KIF17: variants seen among roughly 807,000 people sequenced by gnomAD.
KIF17 encodes kinesin family member 17, also known as kinesin-like protein KIF17.
Under a neutral mutation model 96.8 loss-of-function variants are expected in KIF17, and 80 were observed. The ratio of observed to expected loss-of-function variants is 0.83; its 90% CI spans 0.69 to 1.00. The LOEUF (loss-of-function observed/expected upper bound fraction) is 1.00. Ranked by LOEUF, KIF17 falls within the 50% of genes least tolerant of loss-of-function variation. KIF17 has a pLI of 0.00. For synonymous variants in KIF17, 567 were observed against 587.5 expected, an observed-to-expected ratio of 0.97 and a Z score of 0.51; for missense variants, 1,280 against 1,372.9, an observed-to-expected ratio of 0.93 and a Z score of 1.07.
At chr1:20,681,082 CG>C (rs1553149909) in intron 11 of KIF17, among the ~76,000 whole-genome samples, 5 of 146,128 alleles carry the variant, frequency 3.4e-5, no homozygotes, top group Non-Finnish European at 7.6e-5. Flanking sequence ...GCTGAGATCT[CG>C]CCACTGCACT....
chr1:20,712,876 C>A (rs554880608), intron 3 of KIF17, among the ~76,000 whole-genome samples: 13 of 66,022 alleles, frequency 2.0e-4, no homozygotes, highest in African/African-American at 9.3e-4. Context: ...TAGATATTAT[C>A]TATATATAAT....
rs776860804 is a variant in KIF17 at position 20,704,559 on chromosome 1, G to A, written c.1011C>T (p.Asn337=). 2 of 1,614,220 alleles carry A rather than the reference G, an allele frequency of 1.2e-6. No homozygotes were observed. The highest frequency in any genetic ancestry group is 1.7e-5 in the Admixed American group (1 of 60,032). Residue 337 remains asparagine (N), a synonymous_variant, in exon 5 of 15, where the codon AAC becomes AAT. Coordinates refer to ENST00000400463, the MANE Select transcript of KIF17 (RefSeq NM_001122819.3). The surrounding 1 kb of genome is among the most constrained non-coding windows in gnomAD (Gnocchi z 6.8). The stretch of plus-strand genomic sequence containing the variant: ...TGGGGTCCTCATTGATGCGCGGCTT[G>A]TTCCTGATGTTCTTGGCCCGGTTGG... ...RYANRAKNIR[N]KPRINEDPKD...
intron 11 of KIF17, among the ~76,000 whole-genome samples, chr1:20,678,824 A>T (rs56088911): frequency 0.099 from 15,000 of 152,084 alleles, 925 homozygotes; most frequent in Middle Eastern, 0.17. Flanking sequence ...GGACCAGAGG[A>T]GTTAGTCTCC....
In KIF17 at chr1:20,683,801, G is replaced by A. The variant is rs535315635; in HGVS notation, c.2232-917C>T. ...TCCAGCTTTCACTCACGGCTGGCAC[G>A]TCTCCAAATGCCCGGGCCGGGTCCC... On this transcript the variant is annotated intron_variant, in intron 10 of 14. Coordinates refer to ENST00000400463, the MANE Select transcript of KIF17 (RefSeq NM_001122819.3). Among the ~76,000 whole-genome samples the A allele has an allele frequency of 7.2e-5, 11 of 152,304 alleles. No homozygotes were observed. In the South Asian group the frequency reaches 1.7e-3, roughly 23 times the overall value.
At chr1:20,707,770 AAAAC>A (rs1213891440) in intron 4 of KIF17, among the ~76,000 whole-genome samples, 3 of 138,626 alleles carry the variant, frequency 2.2e-5, no homozygotes, top group East Asian at 4.0e-4. Context: ...CTCAAAAAAA[AAAAC>A]AAACCAATGT....
Position 20,700,048 on chromosome 1 carries a change from C to A in KIF17, c.1124-1560G>T, listed in dbSNP as rs1183811735. ...ACTCAGTCTGGAGGGCAGCAGTGAA[C>A]TGGCTGTAGCCAGTTTTTGTTTTGT... On this transcript the variant is annotated intron_variant, in intron 5 of 14. Transcript: ENST00000400463. This position sits in a 1 kb window ranked among gnomAD's most constrained non-coding sequence, Gnocchi z 4.6. Among the ~76,000 whole-genome samples, 1 of 152,114 alleles carries A rather than the reference C, an allele frequency of 6.6e-6. No homozygotes were observed. Among genetic ancestry groups the A allele is most frequent in the Non-Finnish European group, 1.5e-5 (1 of 68,000 alleles).
At position 20,664,356 on chromosome 1, in the gene KIF17, G is replaced by A; in HGVS notation, c.*228C>T. 7.0e-7 allele frequency: 1 copy of A among 1,431,368 alleles called. No individual in the cohort carries two copies. The highest frequency in any genetic ancestry group is 9.1e-7 in the Non-Finnish European group (1 of 1,096,572). 88.7% of individuals were successfully genotyped at this position (1,431,368 alleles called of 1,614,324 possible). ...AAACACTGATGTGGTATGAACAGCT[G>A]GAGCAGGCCTCTCTAAGGAGGACTA... is the stretch of plus-strand genomic sequence containing the variant. On this transcript the variant is annotated 3_prime_UTR_variant, in exon 15 of 15. Coordinates refer to ENST00000400463, the MANE Select transcript of KIF17 (RefSeq NM_001122819.3).
intron 3 of KIF17, 77 bp downstream of exon 3, chr1:20,713,377 C>CAT (rs2054516436): frequency 6.6e-6 from 7 of 1,066,114 alleles, no homozygotes; most frequent in Non-Finnish European, 1.0e-5. Flanking sequence ...GACACTTTCC[C>CAT]ATATTTCTGA....
chr1:20,686,503 CA>C, intron 8 of KIF17: 2 of 1,482 alleles, frequency 1.3e-3, no homozygotes, highest in Non-Finnish European at 5.4e-3. Context: ...ACACAAAATA[CA>C]CACACACACA....
chr1:20,665,865 CGT>C (rs2053517439), intron 14 of KIF17, among the ~76,000 whole-genome samples: 1 of 152,180 alleles, frequency 6.6e-6, no homozygotes, highest in Non-Finnish European at 1.5e-5. Flanking sequence ...ACAATGCTGG[CGT>C]GTGACTCGCC....
At chr1:20,678,971 T>C (rs1044453803) in intron 11 of KIF17, among the ~76,000 whole-genome samples, 3 of 150,998 alleles carry the variant, frequency 2.0e-5, no homozygotes, top group African/African-American at 7.3e-5. Flanking sequence ...CCCCCTGTTT[T>C]TGTGCCTGTG....
intron 4 of KIF17, among the ~76,000 whole-genome samples, chr1:20,708,101 C>G (rs927570555): frequency 6.6e-6 from 1 of 151,958 alleles, no homozygotes; most frequent in Non-Finnish European, 1.5e-5. Flanking sequence ...GCCCCCTAAA[C>G]CCGCTCCCTC....
chr1:20,701,056 G>A (rs776331625), intron 5 of KIF17, among the ~76,000 whole-genome samples: 6 of 152,160 alleles, frequency 3.9e-5, no homozygotes, highest in Admixed American at 3.3e-4. Context: ...GCCTGACCCC[G>A]GGTTTCCAGG....
At chr1:20,668,304 C>T (rs1244757987) in intron 13 of KIF17, among the ~76,000 whole-genome samples, 3 of 150,906 alleles carry the variant, frequency 2.0e-5, no homozygotes, top group Non-Finnish European at 3.0e-5. Context: ...AGCAAGACTC[C>T]GTCTCAAAAA....
Position 20,685,882 on chromosome 1 carries a change from C to T in KIF17, c.2019+164G>A, listed in dbSNP as rs1383396672. ...AAGAAGATGATGGTTCCTCCCACTG[C>T]ACACTGCCTGGCCACGGGCCACAAG... On this transcript the variant is annotated intron_variant, in intron 9 of 14. Coordinates refer to ENST00000400463, the MANE Select transcript of KIF17 (RefSeq NM_001122819.3). The surrounding 1 kb of genome is among the most constrained non-coding windows in gnomAD (Gnocchi z 4.1). 6.6e-6 allele frequency among the ~76,000 whole-genome samples: 1 copy of T among 152,252 alleles called. No homozygotes were observed. The highest frequency in any genetic ancestry group is 2.1e-4 in the South Asian group (1 of 4,834).
Position 20,704,994 on chromosome 1 carries a change from A to G in KIF17, c.671-95T>C, listed in dbSNP as rs1047676322. 1 of 1,122,790 alleles carries G rather than the reference A, an allele frequency of 8.9e-7. No individual in the cohort carries two copies. Among genetic ancestry groups the G allele is most frequent in the African/African-American group, 1.5e-5 (1 of 65,462 alleles). 69.6% of individuals were successfully genotyped at this position (1,122,790 alleles called of 1,614,324 possible). A position where few individuals can be genotyped will look rare whatever the true frequency, so the allele number is the denominator to read the frequency against. On this transcript the variant is annotated intron_variant, in intron 4 of 14. Coordinates refer to ENST00000400463, the MANE Select transcript of KIF17 (RefSeq NM_001122819.3). This position sits in a 1 kb window ranked among gnomAD's most constrained non-coding sequence, Gnocchi z 6.8. ...GGCACTGGGTGCTCAATGCCCACCCACCGAGGGTTCCCCTCAGCTGCACAG... is the reference window on the plus strand; with the variant it reads ...GGCACTGGGTGCTCAATGCCCACCCGCCGAGGGTTCCCCTCAGCTGCACAG...
At chr1:20,716,010 G>A (rs144035508) in intron 1 of KIF17, among the ~76,000 whole-genome samples, 1,786 of 152,328 alleles carry the variant, frequency 0.012, 23 homozygotes, top group Middle Eastern at 0.075. Context: ...ACTTTGGAAG[G>A]CTGAGGTGGG....
intron 11 of KIF17, among the ~76,000 whole-genome samples, chr1:20,674,876 G>A (rs558916354): frequency 6.6e-6 from 1 of 152,256 alleles, no homozygotes. Flanking sequence ...CAGGCTGGGC[G>A]TGGTGTCTCA....
chr1:20,706,169 G>A (rs566817390), intron 4 of KIF17, among the ~76,000 whole-genome samples: 50 of 151,156 alleles, frequency 3.3e-4, no homozygotes, highest in African/African-American at 7.3e-4. Context: ...GCCTCCCAAC[G>A]TGCTGGGATT....
Sources: allele counts gnomAD v4.1 joint callset (sites outside exome capture counted in the v4.1 genomes callset), GRCh38; gene constraint gnomAD v4.1.1; non-coding constraint Gnocchi (gnomAD v3.1); transcripts MANE v1.5; gene names NCBI Gene and HGNC (gene_info 2026-07-23, HGNC 2026-07-21).